The following FER variants were observed in gnomAD, a reference collection of about 807,000 sequenced individuals.
FER encodes tyrosine-protein kinase Fer.
FER carries 63 observed loss-of-function variants against 111.0 expected under a neutral mutation model. That is an observed-to-expected ratio of 0.57 (90% CI 0.46 to 0.70). The LOEUF is 0.70. Ranked by LOEUF, FER falls within the 30% of genes least tolerant of loss-of-function variation. FER has a pLI of 0.00. For synonymous variants in FER, 327 were observed against 313.9 expected (o/e 1.04, Z -0.44); for missense variants, 914 against 954.0 (o/e 0.96, Z 0.55).
At chr5:108,923,299 A>G (rs1197112238) in intron 10 of FER, among the ~76,000 whole-genome samples, 1 of 152,086 alleles carries the variant, frequency 6.6e-6, no homozygotes, top group Non-Finnish European at 1.5e-5. Context: ...GTGAGTATCC[A>G]AAAAAGAAAA....
chr5:108,770,923 A>AT (rs57266248), intron 2 of FER, among the ~76,000 whole-genome samples: 39,963 of 150,990 alleles, frequency 0.26, 5,905 homozygotes, highest in African/African-American at 0.4. Context: ...CCTACCTTTC[A>AT]TTTTTTTCTC....
chr5:108,993,592 AGAGGGCGAGGGC>A (rs1191636183), intron 13 of FER, among the ~76,000 whole-genome samples: 15 of 125,112 alleles, frequency 1.2e-4, no homozygotes, highest in South Asian at 8.0e-4. Context: ...AGGGAGAGGG[AGAGGGCGAGGGC>A]GAGGGAGAGG....
chr5:108,838,398 A>G (rs75413783), intron 5 of FER, among the ~76,000 whole-genome samples: 3,279 of 152,236 alleles, frequency 0.022, 53 homozygotes, highest in Middle Eastern at 0.054. Context: ...TACAATCCCA[A>G]TCTAACATAG....
At chr5:109,026,368 G>C (rs1438179336) in intron 13 of FER, among the ~76,000 whole-genome samples, 1 of 151,906 alleles carries the variant, frequency 6.6e-6, no homozygotes, top group Non-Finnish European at 1.5e-5. Flanking sequence ...CAAATACTCG[G>C]TTACTAAAAG....
chr5:108,948,956 T>C (rs1757366965), intron 11 of FER, among the ~76,000 whole-genome samples: 1 of 152,162 alleles, frequency 6.6e-6, no homozygotes, highest in South Asian at 2.1e-4. Context: ...AGCAGTCTCC[T>C]TAAAATTCAT....
At chr5:109,049,568 C>T (rs1483640247) in intron 16 of FER, among the ~76,000 whole-genome samples, 2 of 149,524 alleles carry the variant, frequency 1.3e-5, no homozygotes, top group Non-Finnish European at 3.0e-5. Context: ...ATACTCTCTA[C>T]TTTTTTTTTT....
At chr5:109,092,784 G>A (rs946312714) in intron 16 of FER, among the ~76,000 whole-genome samples, 1 of 152,122 alleles carries the variant, frequency 6.6e-6, no homozygotes, top group Non-Finnish European at 1.5e-5. Flanking sequence ...TTGAAAACAA[G>A]ATTTTGAAAA....
chr5:109,180,850 G>GGCT lies in FER; in HGVS notation c.2153_2155dup (p.Gly718_Leu719insCys). ...GGATGGTGGAGTGTATTCATCTTCT[G>GGCT]GCTTAAAGCAGATTCCCATTAAATG... On this transcript the variant is annotated inframe_insertion, in exon 18 of 20. Coordinates refer to ENST00000281092, the MANE Select transcript of FER (RefSeq NM_005246.4). 1.9e-6 allele frequency: 3 copies of GGCT among 1,613,288 alleles called. No individual in the cohort carries two copies. The highest frequency in any genetic ancestry group is 2.5e-6 in the Non-Finnish European group (3 of 1,179,602).
chr5:109,136,284 C>A (rs1052976897), intron 17 of FER, among the ~76,000 whole-genome samples: 9 of 151,226 alleles, frequency 6.0e-5, no homozygotes, highest in Admixed American at 4.6e-4. Context: ...CAGAACTAGA[C>A]CCCGTCTAAA....
chr5:109,071,426 C>A (rs922145836), intron 16 of FER, among the ~76,000 whole-genome samples: 2 of 152,124 alleles, frequency 1.3e-5, no homozygotes, highest in Non-Finnish European at 2.9e-5. Context: ...TACATCATAT[C>A]CACATGACAT....
Position 109,146,253 on chromosome 5 carries a change from AATATATATATATAT to A in FER, c.2049-34469_2049-34456del, listed in dbSNP as rs6149172. Among the ~76,000 whole-genome samples, 38 of 42,130 alleles carry A rather than the reference AATATATATATATAT, an allele frequency of 9.0e-4. 3 individuals are homozygous for A. Among genetic ancestry groups the A allele is most frequent in the African/African-American group, 2.1e-3 (23 of 11,036 alleles). The allele number at this position is 42,130 out of a possible 152,430, so 27.6% of individuals were successfully genotyped here. ...TATCTAATATATATATAATCTATCT[AATATATATATATAT>A]ATATATATATATATATATATATATC... is the stretch of plus-strand genomic sequence containing the variant. On this transcript the variant is annotated intron_variant, in intron 17 of 19. Transcript: ENST00000281092.
chr5:108,936,486 A>G (rs1033664462), intron 10 of FER, among the ~76,000 whole-genome samples: 6 of 151,964 alleles, frequency 3.9e-5, no homozygotes, highest in African/African-American at 9.7e-5. Context: ...TGATTCTCCT[A>G]TGCTTATTGC....
At chr5:108,993,075 G>A (rs1763466728) in intron 13 of FER, among the ~76,000 whole-genome samples, 1 of 150,972 alleles carries the variant, frequency 6.6e-6, no homozygotes, top group South Asian at 2.1e-4. Flanking sequence ...AGGCAGAGGG[G>A]CTCCTCACCT....
intron 11 of FER, among the ~76,000 whole-genome samples, chr5:108,949,589 G>A (rs1011867784): frequency 6.6e-6 from 1 of 151,952 alleles, no homozygotes; most frequent in African/African-American, 2.4e-5. Context: ...TTGTTTATAT[G>A]TTTGCTGAAA....
intron 9 of FER, chr5:108,891,352 C>T (rs553662282): frequency 6.6e-6 from 1 of 151,962 alleles, no homozygotes; most frequent in African/African-American, 2.4e-5. Flanking sequence ...AGTTTTCTCC[C>T]AGTCTGTACC....
chr5:109,017,159 T>C (rs1041757025), intron 13 of FER, among the ~76,000 whole-genome samples: 6 of 152,048 alleles, frequency 3.9e-5, no homozygotes, highest in African/African-American at 1.4e-4. Context: ...GGCTTTTTAC[T>C]GAAATGAGAC....
At chr5:108,816,625 G>C (rs1419458361) in intron 3 of FER, among the ~76,000 whole-genome samples, 5 of 152,002 alleles carry the variant, frequency 3.3e-5, no homozygotes, top group Non-Finnish European at 7.4e-5. Flanking sequence ...TAAGCCCTGT[G>C]GTTTTTATTC....
chr5:108,999,942 T>G (rs1764505305), intron 13 of FER, among the ~76,000 whole-genome samples: 1 of 152,126 alleles, frequency 6.6e-6, no homozygotes, highest in Non-Finnish European at 1.5e-5. Flanking sequence ...TTTCACTACA[T>G]AGCACACAGT....
chr5:109,102,454 G>A (rs1748353982), intron 17 of FER, among the ~76,000 whole-genome samples: 1 of 152,090 alleles, frequency 6.6e-6, no homozygotes, highest in African/African-American at 2.4e-5. Flanking sequence ...TCTAGGAACA[G>A]CCATAAAGAG....
Sources: allele counts gnomAD v4.1 joint callset (sites outside exome capture counted in the v4.1 genomes callset), GRCh38; gene constraint gnomAD v4.1.1; transcripts MANE v1.5; gene names NCBI Gene and HGNC (gene_info 2026-07-23, HGNC 2026-07-21).